Variants in CDH10 observed in about 807,000 individuals in gnomAD.
CDH10 encodes the protein cadherin 10.
In CDH10, 30 loss-of-function variants were observed where a neutral mutation model predicts 73.1. The ratio of observed to expected loss-of-function variants is 0.41; its 90% CI spans 0.31 to 0.56. CDH10 has a LOEUF of 0.56. Among genes scored for constraint, CDH10 ranks in the 20% least tolerant of loss-of-function variants. The pLI is 0.27. For missense variants in CDH10, 815 were observed against 973.7 expected, an observed-to-expected ratio of 0.84 and a Z score of 2.17; for synonymous variants, 345 against 348.2, an observed-to-expected ratio of 0.99 and a Z score of 0.10.
chr5:24,521,325 AC>A (rs1432457129), intron 5 of CDH10, among the ~76,000 whole-genome samples: 11 of 152,138 alleles, frequency 7.2e-5, no homozygotes, highest in Admixed American at 7.2e-4. Context: ...TGGGCGGATC[AC>A]CTGAGGTCAG....
intron 2 of CDH10, among the ~76,000 whole-genome samples, chr5:24,568,428 A>G (rs752946807): frequency 1.3e-5 from 2 of 152,200 alleles, no homozygotes; most frequent in Non-Finnish European, 2.9e-5. Context: ...GGAAATGCAA[A>G]TCAAACCACA....
At chr5:24,493,326 G>A (rs1349399428) in intron 9 of CDH10, among the ~76,000 whole-genome samples, 6 of 151,836 alleles carry the variant, frequency 4.0e-5, no homozygotes, top group Non-Finnish European at 8.8e-5. Context: ...AATGGTCGAG[G>A]AATGTAGAGA....
chr5:24,500,189 A>T (rs1421667739), intron 8 of CDH10, among the ~76,000 whole-genome samples: 6 of 152,226 alleles, frequency 3.9e-5, no homozygotes, highest in Admixed American at 3.3e-4. Flanking sequence ...ACTACTAAAA[A>T]TAATTTATAT....
chr5:24,521,382 T>C (rs914931584), intron 5 of CDH10, among the ~76,000 whole-genome samples: 1 of 152,082 alleles, frequency 6.6e-6, no homozygotes, highest in Non-Finnish European at 1.5e-5. Context: ...CTGTCTTTAC[T>C]AAAAATGCAA....
intron 2 of CDH10, among the ~76,000 whole-genome samples, chr5:24,548,732 AAAAG>A (rs1267746250): frequency 3.9e-5 from 6 of 152,114 alleles, no homozygotes; most frequent in Non-Finnish European, 8.8e-5. Context: ...CTGATAAACA[AAAAG>A]AAAACTTTCC....
At chr5:24,560,904 A>C (rs879928725) in intron 2 of CDH10, among the ~76,000 whole-genome samples, 2 of 152,142 alleles carry the variant, frequency 1.3e-5, no homozygotes, top group Non-Finnish European at 2.9e-5. Context: ...GAAATAATCC[A>C]AATTTCCTGA....
At chr5:24,504,277 C>A (rs993848483) in intron 8 of CDH10, among the ~76,000 whole-genome samples, 6 of 151,884 alleles carry the variant, frequency 4.0e-5, no homozygotes, top group Non-Finnish European at 7.4e-5. Context: ...TTCTTATCAT[C>A]AAAAATGGGA....
intron 1 of CDH10, among the ~76,000 whole-genome samples, chr5:24,628,542 A>T (rs920535206): frequency 2.0e-5 from 3 of 152,146 alleles, no homozygotes; most frequent in African/African-American, 7.2e-5. Context: ...ATTTGGGTGT[A>T]TATTAACACC....
chr5:24,535,945 A>G, intron 3 of CDH10, 123 bp from the exon 4 acceptor site: 1 of 563,438 alleles, frequency 1.8e-6, no homozygotes, highest in Non-Finnish European at 2.9e-6. Context: ...AAACTTTCAT[A>G]TATAATTTGG....
At chr5:24,501,626 C>T (rs955534521) in intron 8 of CDH10, among the ~76,000 whole-genome samples, 1 of 152,078 alleles carries the variant, frequency 6.6e-6, no homozygotes, top group African/African-American at 2.4e-5. Flanking sequence ...CTTTTCATGC[C>T]TCCAAAGAGA....
chr5:24,555,680 G>C (rs189837480), intron 2 of CDH10, among the ~76,000 whole-genome samples: 1 of 152,070 alleles, frequency 6.6e-6, no homozygotes, highest in African/African-American at 2.4e-5. Context: ...TCAGAAATGA[G>C]AGAGAGAGAT....
At chr5:24,644,089 A>C (rs1180883217) in intron 1 of CDH10, among the ~76,000 whole-genome samples, 1 of 152,142 alleles carries the variant, frequency 6.6e-6, no homozygotes. Flanking sequence ...GTTTCAAGGA[A>C]TCTGTCTTCT....
chr5:24,626,878 GTA>G (rs72113257), intron 1 of CDH10, among the ~76,000 whole-genome samples: 13,453 of 86,472 alleles, frequency 0.16, 788 homozygotes, highest in Middle Eastern at 0.25. Flanking sequence ...ATATATAAGT[GTA>G]TATATATGTG....
chr5:24,509,694 T>G lies in CDH10; in HGVS notation c.1128A>C (p.Glu376Asp), dbSNP rs760902420. ...KDTTIVKISI[E>D]DVDEPPVFSR... Reference sequence around the variant, plus strand: ...TAAAAACAGGAGGTTCATCCACATCTTCTATAGAGATTTTCACTATGGTAG... The same window carrying G: ...TAAAAACAGGAGGTTCATCCACATCGTCTATAGAGATTTTCACTATGGTAG... Residue 376 changes from glutamate to aspartate, a missense_variant, in exon 7 of 12, where the codon GAA (glutamate) becomes GAC (aspartate). By Grantham distance (45) the Glu-to-Asp change is conservative. Transcript: ENST00000264463. The G allele has an allele frequency of 1.9e-6, 3 of 1,613,636 alleles. No individual in the cohort carries two copies. In the African/African-American group the frequency reaches 4.0e-5, roughly 22 times the overall value.
chr5:24,595,126 T>C (rs1746326888), intron 1 of CDH10, among the ~76,000 whole-genome samples: 1 of 151,896 alleles, frequency 6.6e-6, no homozygotes, highest in Admixed American at 6.6e-5. Context: ...TGTGTGTGTG[T>C]CTATTGTCTT....
intron 1 of CDH10, among the ~76,000 whole-genome samples, chr5:24,639,133 C>T (rs2112216194): frequency 6.6e-6 from 1 of 151,712 alleles, no homozygotes; most frequent in East Asian, 1.9e-4. Context: ...AATAAGCCTA[C>T]TAATTTAAAA....
At chr5:24,615,886 C>T (rs1167232258) in intron 1 of CDH10, among the ~76,000 whole-genome samples, 1 of 152,154 alleles carries the variant, frequency 6.6e-6, no homozygotes, top group African/African-American at 2.4e-5. Context: ...AGTAGGTGTT[C>T]ATTTCCCAGA....
intron 2 of CDH10, among the ~76,000 whole-genome samples, chr5:24,575,027 G>C (rs529766982): frequency 6.6e-6 from 1 of 151,866 alleles, no homozygotes; most frequent in Admixed American, 6.6e-5. Context: ...TCACTCAAAC[G>C]GATCTGAGAC....
chr5:24,599,804 T>C (rs1746499862), intron 1 of CDH10, among the ~76,000 whole-genome samples: 1 of 152,246 alleles, frequency 6.6e-6, no homozygotes, highest in South Asian at 2.1e-4. Flanking sequence ...ATAGTCAAGG[T>C]TAAGAATAAG....
Sources: allele counts gnomAD v4.1 joint callset (sites outside exome capture counted in the v4.1 genomes callset), GRCh38; gene constraint gnomAD v4.1.1; transcripts MANE v1.5; gene names NCBI Gene and HGNC (gene_info 2026-07-23, HGNC 2026-07-21).